Variants in NDUFA12 observed in about 807,000 individuals in gnomAD.
The protein encoded by NDUFA12 is NADH dehydrogenase [ubiquinone] 1 alpha subcomplex subunit 12.
NDUFA12 carries 17 observed loss-of-function variants against 20.3 expected under a neutral mutation model. That is an observed-to-expected ratio of 0.84 (90% CI 0.57 to 1.26). The LOEUF is 1.26. Among genes scored for constraint, NDUFA12 ranks in the 50% most tolerant of loss-of-function variants. The probability of loss-of-function intolerance (pLI) is 0.00; values close to 1 mark genes in which losing one functional copy is unlikely to be tolerated. For synonymous variants in NDUFA12, 72 were observed against 63.6 expected, an observed-to-expected ratio of 1.13 and a Z score of -0.63; for missense variants, 191 against 183.7, an observed-to-expected ratio of 1.04 and a Z score of -0.23.
In NDUFA12 at chr12:94,999,794, A is replaced by G. The variant is rs374325073; in HGVS notation, c.169+2945T>C. On this transcript the variant is annotated intron_variant, in intron 2 of 3. Coordinates refer to ENST00000327772, the MANE Select transcript of NDUFA12 (RefSeq NM_018838.5). Reference sequence around the variant, plus strand: ...AATGAGATAGCACCTTACTCCTGCAAGAATGGCCATAATTAAAAATTCAAA... The same window carrying G: ...AATGAGATAGCACCTTACTCCTGCAGGAATGGCCATAATTAAAAATTCAAA... Among the ~76,000 whole-genome samples, 23 of 152,368 alleles carry G rather than the reference A, an allele frequency of 1.5e-4. No individual in the cohort carries two copies. In the East Asian group the frequency reaches 2.1e-3, roughly 14 times the overall value.
At chr12:94,975,139 C>T (rs930406191) in intron 3 of NDUFA12, among the ~76,000 whole-genome samples, 1 of 152,126 alleles carries the variant, frequency 6.6e-6, no homozygotes, top group Admixed American at 6.5e-5. Context: ...TATACACCTA[C>T]TATGTACCCA....
At chr12:94,980,493 G>A (rs1874201515) in intron 3 of NDUFA12, among the ~76,000 whole-genome samples, 1 of 151,770 alleles carries the variant, frequency 6.6e-6, no homozygotes, top group South Asian at 2.1e-4. Flanking sequence ...ACGATGTTAA[G>A]CATCTTAAAC....
intron 3 of NDUFA12, among the ~76,000 whole-genome samples, chr12:94,985,181 C>T (rs554582820): frequency 3.8e-4 from 57 of 151,840 alleles, no homozygotes; most frequent in Non-Finnish European, 1.0e-4. Context: ...TTAAATTAGT[C>T]GGGCATGGTG....
At chr12:94,989,085 C>A (rs558741322) in intron 3 of NDUFA12, among the ~76,000 whole-genome samples, 2 of 152,288 alleles carry the variant, frequency 1.3e-5, no homozygotes, top group South Asian at 2.1e-4. Flanking sequence ...CTGCCTGGAA[C>A]GCTTTCTCCC....
intron 3 of NDUFA12, among the ~76,000 whole-genome samples, chr12:94,984,736 A>ACC (rs1555200521): frequency 1.3e-5 from 1 of 74,136 alleles, no homozygotes; most frequent in Non-Finnish European, 2.4e-5. Flanking sequence ...ACAACAAAAA[A>ACC]CCCATATATA....
intron 3 of NDUFA12, among the ~76,000 whole-genome samples, chr12:94,988,676 C>G (rs1018677063): frequency 2.0e-5 from 3 of 152,168 alleles, no homozygotes; most frequent in African/African-American, 2.4e-5. Flanking sequence ...ACACATACCC[C>G]CTTGAAGATT....
chr12:94,979,285 C>A (rs929575680), intron 3 of NDUFA12, among the ~76,000 whole-genome samples: 2 of 152,096 alleles, frequency 1.3e-5, no homozygotes, highest in Non-Finnish European at 2.9e-5. Flanking sequence ...AAAAGCAGAC[C>A]CTCAAATAGT....
intron 3 of NDUFA12, among the ~76,000 whole-genome samples, chr12:94,991,812 T>G (rs1006849026): frequency 1.3e-5 from 2 of 151,934 alleles, no homozygotes; most frequent in Non-Finnish European, 2.9e-5. Context: ...CAGAAACCCT[T>G]CGCAGAATTC....
At chr12:94,975,639 T>A (rs11836742) in intron 3 of NDUFA12, among the ~76,000 whole-genome samples, 18,911 of 152,156 alleles carry the variant, frequency 0.12, 1,913 homozygotes, top group African/African-American at 0.28. Flanking sequence ...AGGATATTTA[T>A]CAGAGCTTTA....
At chr12:94,995,944 C>T (rs538219785) in intron 2 of NDUFA12, among the ~76,000 whole-genome samples, 1 of 151,362 alleles carries the variant, frequency 6.6e-6, no homozygotes, top group African/African-American at 2.4e-5. Flanking sequence ...CACGGTGGCT[C>T]ACTTCTTAAT....
At chr12:95,000,533 A>G (rs1043227668) in intron 2 of NDUFA12, among the ~76,000 whole-genome samples, 3 of 152,228 alleles carry the variant, frequency 2.0e-5, no homozygotes, top group African/African-American at 7.2e-5. Context: ...AATCACAGTA[A>G]GTTCCTCCCA....
intron 2 of NDUFA12, among the ~76,000 whole-genome samples, 153 bp downstream of exon 2, chr12:95,002,586 C>CT (rs1875091076): frequency 6.7e-6 from 1 of 149,438 alleles, no homozygotes; most frequent in African/African-American, 2.5e-5. Flanking sequence ...GTTTACTTTT[C>CT]TTTTTTCTGT....
At chr12:94,994,379 T>C in intron 2 of NDUFA12, 122 bp from the exon 3 acceptor site, 1 of 732,580 alleles carries the variant, frequency 1.4e-6, no homozygotes, top group Non-Finnish European at 2.3e-6. Flanking sequence ...ATAAGAGAGC[T>C]ATTGGAGGAA....
chr12:94,990,412 G>A (rs535924982), intron 3 of NDUFA12, among the ~76,000 whole-genome samples: 3 of 152,140 alleles, frequency 2.0e-5, no homozygotes, highest in East Asian at 1.9e-4. Flanking sequence ...GCTTTCTCAC[G>A]GTAAGAACCA....
Position 94,978,892 on chromosome 12 carries a change from C to T in NDUFA12, c.258-7272G>A, listed in dbSNP as rs1444707580. ...CAAAAGCCCCACAGAAACTAAAACA[C>T]TCGAACTGACACAGTATTTAGTGAG... On this transcript the variant is annotated intron_variant, in intron 3 of 3. Transcript: ENST00000327772. 2.6e-5 allele frequency among the ~76,000 whole-genome samples: 4 copies of T among 152,110 alleles called. No individual in the cohort carries two copies. The South Asian group carries it at 8.3e-4, about 31-fold the overall frequency.
rs1055015765 is a variant in NDUFA12, at chr12:95,003,663, G to T, written c.18C>A (p.Val6=). ...TGATCTGCTGCAGCCCGCGTTTCAGGACCTGCACTAACTCCATCTTGCCTC... is the reference window on the plus strand; with the variant it reads ...TGATCTGCTGCAGCCCGCGTTTCAGTACCTGCACTAACTCCATCTTGCCTC... MELVQ[V]LKRGLQQITG... The change falls in exon 1 of 4, where the codon GTC becomes GTA. Residue 6 remains valine (V), a synonymous_variant. Transcript: ENST00000327772. The T allele has an allele frequency of 3.1e-6, 5 of 1,614,046 alleles. No homozygotes were observed. The highest frequency in any genetic ancestry group is 4.2e-6 in the Non-Finnish European group (5 of 1,180,048).
chr12:94,981,463 G>A (rs2136062127), intron 3 of NDUFA12, among the ~76,000 whole-genome samples: 1 of 152,176 alleles, frequency 6.6e-6, no homozygotes, highest in Non-Finnish European at 1.5e-5. Context: ...AAAATAAAAT[G>A]TTATTTGTTA....
intron 3 of NDUFA12, among the ~76,000 whole-genome samples, chr12:94,983,690 CG>C (rs1874316151): frequency 6.6e-6 from 1 of 152,148 alleles, no homozygotes; most frequent in South Asian, 2.1e-4. Context: ...ACAACTAATA[CG>C]ATCCCAAATC....
At chr12:94,984,715 A>AC (rs1424741518) in intron 3 of NDUFA12, among the ~76,000 whole-genome samples, 2 of 99,590 alleles carry the variant, frequency 2.0e-5, no homozygotes, top group African/African-American at 8.0e-5. Flanking sequence ...GCTAATAGCC[A>AC]AAAAAAAAAA....
Sources: allele counts gnomAD v4.1 joint callset (sites outside exome capture counted in the v4.1 genomes callset), GRCh38; gene constraint gnomAD v4.1.1; transcripts MANE v1.5; gene names NCBI Gene and HGNC (gene_info 2026-07-23, HGNC 2026-07-21).